Variants in MACF1 observed in about 807,000 individuals in gnomAD.
MACF1 encodes the protein microtubule actin crosslinking factor 1.
In MACF1, 193 loss-of-function variants were observed where a neutral mutation model predicts 854.8. That is an observed-to-expected ratio of 0.23 (90% CI 0.20 to 0.25). MACF1 has a LOEUF of 0.25. MACF1 is among the 10% of genes least tolerant of loss of function. The probability of loss-of-function intolerance (pLI) is 1.00; values close to 1 mark genes in which losing one functional copy is unlikely to be tolerated. For missense variants in MACF1, 7,722 were observed against 8,929.1 expected (o/e 0.86, Z 5.45); for synonymous variants, 3,185 against 3,226.7 (o/e 0.99, Z 0.44).
intron 2 of MACF1, among the ~76,000 whole-genome samples, chr1:39,163,564 A>G (rs1643848340): frequency 6.6e-6 from 1 of 152,146 alleles, no homozygotes; most frequent in South Asian, 2.1e-4. Flanking sequence ...CAGCAACAGT[A>G]TTGTTGAATA....
chr1:39,137,319 C>T (rs1557476331), intron 2 of MACF1, among the ~76,000 whole-genome samples: 1 of 152,232 alleles, frequency 6.6e-6, no homozygotes, highest in Non-Finnish European at 1.5e-5. Context: ...ATCTGTGTGC[C>T]TCGGCCTCTC....
At chr1:39,389,997 ATAAAT>A (rs1271544408) in intron 58 of MACF1, among the ~76,000 whole-genome samples, 3 of 152,358 alleles carry the variant, frequency 2.0e-5, no homozygotes, top group African/African-American at 4.8e-5. Context: ...TTGTGTGAGT[ATAAAT>A]TAAAGTAACA....
In MACF1 at chr1:39,458,297, T is replaced by G. The variant is rs1644483097; in HGVS notation, c.21076-73T>G. ...ACCACAGGCCGTAAAGTACCCATCC[T>G]AGCTCTTCCTTTGCCCCCATAAGAG... On this transcript the variant is annotated intron_variant, in intron 89 of 100. Transcript: ENST00000564288. The G allele has an allele frequency of 7.4e-6, 11 of 1,492,840 alleles. No individual in the cohort carries two copies. In the East Asian group the frequency reaches 2.6e-4, roughly 35 times the overall value. The allele number at this position is 1,492,840 out of a possible 1,614,324, so 92.5% of individuals were successfully genotyped here.
At chr1:39,372,321 G>T (rs12026721) in intron 51 of MACF1, among the ~76,000 whole-genome samples, 158 bp from the exon 52 acceptor site, 5 of 152,172 alleles carry the variant, frequency 3.3e-5, no homozygotes. Context: ...CAGTCATATA[G>T]TAAATGTTCA....
In MACF1 at chr1:39,336,672, T is replaced by A; in HGVS notation, c.10065+19T>A. The A allele has an allele frequency of 6.4e-7, 1 of 1,551,140 alleles. No individual in the cohort carries two copies. Among genetic ancestry groups the A allele is most frequent in the Non-Finnish European group, 8.6e-7 (1 of 1,157,912 alleles). Reference sequence around the variant, plus strand: ...AACTCAGGTCAGTGGTGTGCTTTTTTTTTTTTCTTCCTAAAGATACAATTA... The same window carrying A: ...AACTCAGGTCAGTGGTGTGCTTTTTATTTTTTCTTCCTAAAGATACAATTA... On this transcript the variant is annotated intron_variant, in intron 37 of 100. Coordinates refer to ENST00000564288, the MANE Select transcript of MACF1 (RefSeq NM_001394062.1).
rs567382300 is a variant in MACF1, at chr1:39,253,212, G to A, written c.358-1086G>A. ...AACTGGTAATAGTTGAGCCTTGGACGGGGTACCAGAGGCACTGGGTAGAGA... is the reference window on the plus strand; with the variant it reads ...AACTGGTAATAGTTGAGCCTTGGACAGGGTACCAGAGGCACTGGGTAGAGA... On this transcript the variant is annotated intron_variant, in intron 4 of 100. Transcript: ENST00000564288. Among the ~76,000 whole-genome samples the A allele has an allele frequency of 1.9e-4, 29 of 152,292 alleles. 1 individual carries two copies. The highest frequency in any genetic ancestry group is 6.3e-4 in the African/African-American group (26 of 41,560).
intron 2 of MACF1, among the ~76,000 whole-genome samples, chr1:39,092,538 C>T (rs779436196): frequency 3.3e-5 from 5 of 152,188 alleles, no homozygotes; most frequent in Non-Finnish European, 7.3e-5. Flanking sequence ...ATGTGCATGG[C>T]GCCCCCTGGC....
intron 58 of MACF1, among the ~76,000 whole-genome samples, chr1:39,391,218 G>GT (rs1363772100): frequency 6.6e-6 from 1 of 151,698 alleles, no homozygotes; most frequent in Non-Finnish European, 1.5e-5. Flanking sequence ...TTATGCATAA[G>GT]TTTTTTTTAA....
chr1:39,448,593 G>A lies in MACF1; in HGVS notation c.20089-1G>A. ...TTTTTCTTTTCTTTCTGGAAACATA[G>A]GAGTTTCAGAAGACTCTTGGTGGCA... On this transcript the variant is annotated splice_acceptor_variant, in intron 83 of 100. Transcript: ENST00000564288. LOFTEE classifies it high-confidence loss of function. 6.6e-7 allele frequency: 1 copy of A among 1,509,576 alleles called. No individual in the cohort carries two copies. Among genetic ancestry groups the A allele is most frequent in the Non-Finnish European group, 8.9e-7 (1 of 1,125,248 alleles). The allele number at this position is 1,509,576 out of a possible 1,614,324, so 93.5% of individuals were successfully genotyped here. A position where few individuals can be genotyped will look rare whatever the true frequency, so the allele number is the denominator to read the frequency against.
intron 1 of MACF1, among the ~76,000 whole-genome samples, chr1:39,205,694 A>G (rs1307157985): frequency 2.6e-5 from 4 of 152,110 alleles, no homozygotes; most frequent in African/African-American, 9.7e-5. Context: ...TATCATTGAT[A>G]CTGTTCCTAC....
chr1:39,435,367 A>T (rs1457997937), intron 69 of MACF1, among the ~76,000 whole-genome samples, 191 bp from the exon 70 acceptor site: 1 of 152,182 alleles, frequency 6.6e-6, no homozygotes, highest in Non-Finnish European at 1.5e-5. Flanking sequence ...TCAAAAATTA[A>T]ATTGGGTAAT....
chr1:39,340,991 A>G (rs778002183), intron 40 of MACF1, 38 bp downstream of exon 40: 2 of 1,515,098 alleles, frequency 1.3e-6, no homozygotes, highest in East Asian at 2.3e-5. Flanking sequence ...TTTGAGTTGT[A>G]TCAATTTTAT....
chr1:39,088,522 T>C (rs1362210950), intron 2 of MACF1, among the ~76,000 whole-genome samples: 1 of 152,246 alleles, frequency 6.6e-6, no homozygotes, highest in Non-Finnish European at 1.5e-5. Flanking sequence ...CTCAGGATCC[T>C]GGTCTATAGA....
In MACF1 at chr1:39,105,616, G is replaced by T; in HGVS notation, c.220+21178G>T. On this transcript the variant is annotated intron_variant, in intron 2 of 93. Transcript: ENST00000361689. The surrounding 1 kb of genome is among the most constrained non-coding windows in gnomAD (Gnocchi z 5.9). ...CCGGGGCTCGGCGAGAAGGCGGTGC[G>T]GGCGGCCATGGCCGGCTACGTGCCG... The T allele has an allele frequency of 8.2e-7, 1 of 1,223,008 alleles. No homozygotes were observed. The highest frequency in any genetic ancestry group is 1.0e-6 in the Non-Finnish European group (1 of 955,404). 75.8% of individuals were successfully genotyped at this position (1,223,008 alleles called of 1,614,324 possible).
intron 2 of MACF1, among the ~76,000 whole-genome samples, chr1:39,165,232 TA>T (rs971608433): frequency 2.0e-5 from 3 of 152,136 alleles, no homozygotes; most frequent in Admixed American, 2.0e-4. Context: ...CCAGAGCCCT[TA>T]AGCAAAGCTG....
intron 2 of MACF1, among the ~76,000 whole-genome samples, chr1:39,171,107 C>A (rs961806080): frequency 3.3e-5 from 5 of 152,090 alleles, no homozygotes; most frequent in Non-Finnish European, 7.4e-5. Flanking sequence ...TGTGGTCCAA[C>A]AGCAATGAAG....
At chr1:39,361,788 A>G (rs1267788846) in intron 49 of MACF1, 111 bp downstream of exon 49, 1 of 1,004,442 alleles carries the variant, frequency 1.0e-6, no homozygotes, top group Non-Finnish European at 1.5e-6. Context: ...AACTACCTGC[A>G]TTATCTTTGG....
rs773000242 is a variant in MACF1 at position 39,310,891 on chromosome 1, G to A, written c.3161G>A (p.Arg1054His). The A allele has an allele frequency of 2.9e-5, 47 of 1,614,062 alleles. 1 individual carries two copies. The Admixed American group carries it at 3.5e-4, about 12-fold the overall frequency. Residue 1054 changes from arginine (R) to histidine (H), a missense_variant, in exon 26 of 101, where the codon CGC (arginine) becomes CAC (histidine). Around this residue, in one of 15 missense-constraint regions of MACF1, gnomAD observed 1,137 missense variants for 1,263.0 expected, o/e 0.90. Coordinates refer to ENST00000564288, the MANE Select transcript of MACF1 (RefSeq NM_001394062.1). ...YISELKNIRL[R>H]LEEYEQRVVK... ...TCAGAGTTGAAGAACATCCGGCTAC[G>A]CCTGGAGGAGTATGAACAGAGGGTG...
chr1:39,362,923 C>T (rs1648333397), intron 49 of MACF1, among the ~76,000 whole-genome samples: 1 of 152,216 alleles, frequency 6.6e-6, no homozygotes, highest in African/African-American at 2.4e-5. Context: ...TTGTATCTTC[C>T]TTTCCTGTAG....
Sources: gnomAD v4.1 joint callset for allele counts (sites outside exome capture counted in the v4.1 genomes callset) on GRCh38, gnomAD v4.1.1 for gene constraint, gnomAD v4.1.1 regional missense constraint, Gnocchi (gnomAD v3.1) non-coding constraint, MANE v1.5 for transcripts, NCBI Gene and HGNC (gene_info 2026-07-23, HGNC 2026-07-21) for gene names.